The following ILDR2 variants were observed in gnomAD, a reference collection of about 807,000 sequenced individuals.
ILDR2 encodes immunoglobulin-like domain-containing receptor 2.
A neutral mutation model predicts 66.8 loss-of-function variants in ILDR2; 25 were observed. The ratio of observed to expected loss-of-function variants is 0.37; its 90% CI spans 0.27 to 0.52. The LOEUF (loss-of-function observed/expected upper bound fraction) is 0.52, where lower values mean the gene tolerates loss of function less well. Among genes scored for constraint, ILDR2 ranks in the 20% least tolerant of loss-of-function variants. ILDR2 has a pLI of 0.88. For synonymous variants in ILDR2, 367 were observed against 357.2 expected, an observed-to-expected ratio of 1.03 and a Z score of -0.31; for missense variants, 827 against 876.8, an observed-to-expected ratio of 0.94 and a Z score of 0.72.
Position 166,917,485 on chromosome 1 carries a change from C to T in ILDR2, c.*1870G>A, listed in dbSNP as rs1193328550. On this transcript the variant is annotated 3_prime_UTR_variant, in exon 10 of 10. Coordinates refer to ENST00000271417, the MANE Select transcript of ILDR2 (RefSeq NM_199351.3). ...GATCTTCAGAGGTTGTCCACGGATC[C>T]ATAGACAGGGAAGAAACCACTGCTG... is the stretch of plus-strand genomic sequence containing the variant. 1 of 152,192 alleles carries T rather than the reference C, an allele frequency of 6.6e-6. No homozygotes were observed. Among genetic ancestry groups the T allele is most frequent in the African/African-American group, 2.4e-5 (1 of 41,434 alleles). 9.4% of individuals were successfully genotyped at this position (152,192 alleles called of 1,614,324 possible). A position where few individuals can be genotyped will look rare whatever the true frequency, so the allele number is the denominator to read the frequency against.
At chr1:166,969,672 C>G (rs920263353) in intron 1 of ILDR2, among the ~76,000 whole-genome samples, 2 of 152,210 alleles carry the variant, frequency 1.3e-5, no homozygotes, top group African/African-American at 4.8e-5. Context: ...TGCACTATTT[C>G]CCTGAGTTCT....
intron 3 of ILDR2, among the ~76,000 whole-genome samples, chr1:166,952,725 G>C (rs1475476608): frequency 6.6e-6 from 1 of 152,100 alleles, no homozygotes; most frequent in Non-Finnish European, 1.5e-5. Context: ...AGCAAACCTG[G>C]AACAAGTAAC....
At chr1:166,962,309 T>A (rs1307499665) in intron 1 of ILDR2, among the ~76,000 whole-genome samples, 1 of 152,158 alleles carries the variant, frequency 6.6e-6, no homozygotes, top group Non-Finnish European at 1.5e-5. Flanking sequence ...TGTGTTTACC[T>A]TATTTAGAGA....
chr1:166,900,928 T>C (rs1571254900), intron 2 of ILDR2, among the ~76,000 whole-genome samples: 1 of 152,298 alleles, frequency 6.6e-6, no homozygotes, highest in South Asian at 2.1e-4. Flanking sequence ...TTTCCCACCT[T>C]CTCCATTCGA....
chr1:166,958,731 C>T (rs1244504944), intron 1 of ILDR2, among the ~76,000 whole-genome samples: 1 of 152,200 alleles, frequency 6.6e-6, no homozygotes, highest in Non-Finnish European at 1.5e-5. Flanking sequence ...TCCTCTTTAA[C>T]CCCATTACTA....
At chr1:166,901,058 A>G (rs1320038137) in intron 2 of ILDR2, among the ~76,000 whole-genome samples, 1 of 152,194 alleles carries the variant, frequency 6.6e-6, no homozygotes, top group Non-Finnish European at 1.5e-5. Context: ...AAGCCCCAAT[A>G]GCTTTATAGC....
At chr1:166,931,570 T>G (rs1660641171) in intron 6 of ILDR2, among the ~76,000 whole-genome samples, 1 of 152,062 alleles carries the variant, frequency 6.6e-6, no homozygotes, top group Admixed American at 6.6e-5. Context: ...GGAAACAAAA[T>G]GGATTAGAGC....
chr1:166,937,544 G>A (rs569814723), intron 4 of ILDR2, among the ~76,000 whole-genome samples: 2 of 152,350 alleles, frequency 1.3e-5, no homozygotes, highest in East Asian at 1.9e-4. Context: ...GTATATCTGG[G>A]TATGTTTGTT....
Position 166,935,625 on chromosome 1 carries a change from T to G in ILDR2, c.704-148A>C, listed in dbSNP as rs1660905870. On this transcript the variant is annotated intron_variant, in intron 5 of 9. Coordinates refer to ENST00000271417, the MANE Select transcript of ILDR2 (RefSeq NM_199351.3). ...GTTTGTTCTTCTAAAACTGAACTGA[T>G]TCATCAGAATCACTCTCCCCCACTC... The G allele has an allele frequency of 8.8e-6, 6 of 678,738 alleles. No individual in the cohort carries two copies. The South Asian group carries it at 1.3e-4, about 15-fold the overall frequency. The allele number at this position is 678,738 out of a possible 1,614,324, so 42.0% of individuals were successfully genotyped here. A position where few individuals can be genotyped will look rare whatever the true frequency, so the allele number is the denominator to read the frequency against.
chr1:166,970,660 G>A (rs147202340), intron 1 of ILDR2, among the ~76,000 whole-genome samples: 4 of 152,268 alleles, frequency 2.6e-5, no homozygotes, highest in East Asian at 1.9e-4. Flanking sequence ...TACTTGCACC[G>A]TAGTGCGAGT....
chr1:166,907,530 T>C (rs538215269), downstream of ILDR2, among the ~76,000 whole-genome samples: 17 of 152,098 alleles, frequency 1.1e-4, no homozygotes, highest in South Asian at 3.5e-3. Context: ...ATAAATGGAG[T>C]CTCCCCACTC....
At position 166,909,766 on chromosome 1, in the gene ILDR2, T is replaced by A. The variant is rs1333440425; in HGVS notation, c.*9589A>T. On this transcript the variant is annotated 3_prime_UTR_variant, in exon 10 of 10. Coordinates refer to ENST00000271417, the MANE Select transcript of ILDR2 (RefSeq NM_199351.3). ...ATATATATATATATATATAAATATA[T>A]ATAAATATATATATTTATATATATA... 11 of 67,700 alleles carry A rather than the reference T, an allele frequency of 1.6e-4. No individual in the cohort carries two copies. The highest frequency in any genetic ancestry group is 6.1e-4 in the African/African-American group (8 of 13,164). The allele number at this position is 67,700 out of a possible 1,614,324, so 4.2% of individuals were successfully genotyped here.
chr1:166,899,537 C>G (rs1410335269), intron 2 of ILDR2, among the ~76,000 whole-genome samples: 1 of 152,164 alleles, frequency 6.6e-6, no homozygotes, highest in East Asian at 1.9e-4. Context: ...TGAGTGTAAT[C>G]TATTTCACTT....
chr1:166,944,765 C>G (rs1661516055), intron 3 of ILDR2, among the ~76,000 whole-genome samples: 1 of 152,196 alleles, frequency 6.6e-6, no homozygotes, highest in African/African-American at 2.4e-5. Flanking sequence ...TGACACAGCC[C>G]TGTAAGAATG....
rs1659949754 is a variant in ILDR2, at chr1:166,921,626, C to G, written c.1212-247G>C. 6.6e-6 allele frequency among the ~76,000 whole-genome samples: 1 copy of G among 152,244 alleles called. No individual in the cohort carries two copies. The highest frequency in any genetic ancestry group is 1.5e-5 in the Non-Finnish European group (1 of 68,032). Reference sequence around the variant, plus strand: ...TGGGGTTGTGTGGATAGAACATATTCTGTATCCTATGGAATACTGACCCAC... The same window carrying G: ...TGGGGTTGTGTGGATAGAACATATTGTGTATCCTATGGAATACTGACCCAC... On this transcript the variant is annotated intron_variant, in intron 8 of 9. Transcript: ENST00000271417. This position sits in a 1 kb window ranked among gnomAD's most constrained non-coding sequence, Gnocchi z 5.3.
At position 166,915,157 on chromosome 1, in the gene ILDR2, C is replaced by G. The variant is rs2101834067; in HGVS notation, c.*4198G>C. The G allele has an allele frequency of 6.6e-6, 1 of 152,306 alleles. No homozygotes were observed. The highest frequency in any genetic ancestry group is 2.1e-4 in the South Asian group (1 of 4,824). 9.4% of individuals were successfully genotyped at this position (152,306 alleles called of 1,614,324 possible). ...TGGGAATGGAAATATCTACAACAGC[C>G]TCCCTGGGAGTGCTCCTGACACTCC... On this transcript the variant is annotated 3_prime_UTR_variant, in exon 10 of 10. Transcript: ENST00000271417.
chr1:166,972,632 G>T (rs1571222405), intron 1 of ILDR2, among the ~76,000 whole-genome samples: 1 of 152,184 alleles, frequency 6.6e-6, no homozygotes, highest in South Asian at 2.1e-4. Context: ...GGAAGAAGCT[G>T]CTAGAGCCTG....
At chr1:166,969,251 C>T (rs190521920) in intron 1 of ILDR2, among the ~76,000 whole-genome samples, 1 of 152,270 alleles carries the variant, frequency 6.6e-6, no homozygotes, top group African/African-American at 2.4e-5. Context: ...AGGGTCTCAG[C>T]TGAATGCAAG....
intron 3 of ILDR2, among the ~76,000 whole-genome samples, chr1:166,947,785 C>G (rs956228912): frequency 1.3e-5 from 2 of 152,048 alleles, no homozygotes; most frequent in Non-Finnish European, 2.9e-5. Context: ...CAGGAATGCG[C>G]GCTAATTGAA....
Sources: gnomAD v4.1 joint callset for allele counts (sites outside exome capture counted in the v4.1 genomes callset) on GRCh38, gnomAD v4.1.1 for gene constraint, Gnocchi (gnomAD v3.1) non-coding constraint, MANE v1.5 for transcripts, NCBI Gene and HGNC (gene_info 2026-07-23, HGNC 2026-07-21) for gene names.